The following PRELID2 variants were observed in gnomAD, a reference collection of about 807,000 sequenced individuals.
PRELID2 encodes the protein PRELI domain-containing protein 2.
A neutral mutation model predicts 28.4 loss-of-function variants in PRELID2; 25 were observed. The ratio of observed to expected loss-of-function variants is 0.88; its 90% CI spans 0.64 to 1.23. PRELID2 has a LOEUF of 1.23. PRELID2 is among the 50% of genes most tolerant of loss of function. PRELID2 has a pLI of 0.00. For missense variants in PRELID2, 201 were observed against 214.4 expected, an observed-to-expected ratio of 0.94 and a Z score of 0.39; for synonymous variants, 76 against 71.6, an observed-to-expected ratio of 1.06 and a Z score of -0.31.
chr5:145,805,511 G>C (rs1753435270), intron 4 of PRELID2, among the ~76,000 whole-genome samples: 1 of 152,104 alleles, frequency 6.6e-6, no homozygotes, highest in Non-Finnish European at 1.5e-5. Flanking sequence ...TCATGAGCCA[G>C]CCCAGGGATA....
At chr5:145,321,560 C>T in the PRELID2 span, among the ~76,000 whole-genome samples, 11 of 152,184 alleles carry the variant, frequency 7.2e-5, no homozygotes, top group Non-Finnish European at 1.6e-4. Context: ...CTGGCAGACG[C>T]CCCTTAAAAA....
At chr5:145,597,245 G>A (rs953408) in intron 1 of PRELID2, among the ~76,000 whole-genome samples, 10,867 of 152,154 alleles carry the variant, frequency 0.071, 580 homozygotes, top group Admixed American at 0.18. Flanking sequence ...GCAACTAAAT[G>A]TAGTAACTGT....
the PRELID2 span, among the ~76,000 whole-genome samples, chr5:145,466,776 A>G: frequency 0.23 from 34,711 of 151,966 alleles, 4,266 homozygotes; most frequent in South Asian, 0.35. Context: ...ATGAAGTCCA[A>G]TACTTATTTC....
the PRELID2 span, among the ~76,000 whole-genome samples, chr5:145,411,309 TGAG>T: frequency 6.6e-6 from 1 of 152,068 alleles, no homozygotes; most frequent in East Asian, 1.9e-4. Flanking sequence ...TTCACTATCA[TGAG>T]AACAGCACAG....
At position 145,779,257 on chromosome 5, in the gene PRELID2, C is replaced by G. The variant is rs139692640; in HGVS notation, c.475-14257G>C. ...TAAACAGAAGCCTATCTTTCAGTGACAGAGATAAAAAACATATTCAAAGGA... is the reference window on the plus strand; with the variant it reads ...TAAACAGAAGCCTATCTTTCAGTGAGAGAGATAAAAAACATATTCAAAGGA... On this transcript the variant is annotated intron_variant, in intron 5 of 6. Coordinates refer to ENST00000683046, the MANE Select transcript of PRELID2 (RefSeq NM_205846.3). Among the ~76,000 whole-genome samples, 95 of 152,096 alleles carry G rather than the reference C, an allele frequency of 6.2e-4. No individual in the cohort carries two copies. In the East Asian group the frequency reaches 0.016, roughly 26 times the overall value.
intron 1 of PRELID2, among the ~76,000 whole-genome samples, chr5:145,525,062 T>C (rs746498983): frequency 4.6e-5 from 7 of 152,212 alleles, no homozygotes; most frequent in Non-Finnish European, 1.0e-4. Flanking sequence ...GATTAGTCAC[T>C]GAACATTTAT....
At chr5:145,413,324 T>C in the PRELID2 span, among the ~76,000 whole-genome samples, 1 of 50,066 alleles carries the variant, frequency 2.0e-5, no homozygotes, top group Non-Finnish European at 5.1e-5. Context: ...GATTAAAAGA[T>C]AAAATATAAT....
the PRELID2 span, among the ~76,000 whole-genome samples, chr5:145,230,440 A>G: frequency 2.0e-5 from 3 of 152,056 alleles, no homozygotes; most frequent in African/African-American, 7.2e-5. Flanking sequence ...TTAGCTGGGT[A>G]TGGTGGTGCA....
chr5:145,472,810 G>C (rs1215992475), intron 2 of PRELID2, among the ~76,000 whole-genome samples: 2 of 152,048 alleles, frequency 1.3e-5, no homozygotes, highest in African/African-American at 4.8e-5. Context: ...AACACTCAAG[G>C]ATCTTTAGTT....
the PRELID2 span, among the ~76,000 whole-genome samples, chr5:145,404,731 G>T: frequency 1.3e-5 from 2 of 152,180 alleles, no homozygotes; most frequent in African/African-American, 2.4e-5. Context: ...CTATAATCTG[G>T]CAAGAGTCAC....
chr5:145,796,529 T>C lies in PRELID2; in HGVS notation c.387A>G (p.Arg129=). The change falls in exon 5 of 7, where the codon AGA becomes AGG. Residue 129 remains arginine (R), a synonymous_variant. Coordinates refer to ENST00000683046, the MANE Select transcript of PRELID2 (RefSeq NM_205846.3). Reference sequence around the variant, plus strand: ...CAACCCCTGTGATTGAAATCCTGCCTCTTTGAATGAACTCTGTCCTGCAAA... The same window carrying C: ...CAACCCCTGTGATTGAAATCCTGCCCCTTTGAATGAACTCTGTCCTGCAAA... ...ENPNWTEFIQ[R]GRISITGVGF... The C allele has an allele frequency of 6.2e-7, 1 of 1,606,804 alleles. No individual in the cohort carries two copies. The highest frequency in any genetic ancestry group is 1.1e-5 in the South Asian group (1 of 90,244).
At chr5:145,315,651 G>C in the PRELID2 span, among the ~76,000 whole-genome samples, 1 of 151,684 alleles carries the variant, frequency 6.6e-6, no homozygotes, top group East Asian at 2.0e-4. Context: ...TATCCACCAA[G>C]TGTCATTTTT....
the PRELID2 span, among the ~76,000 whole-genome samples, chr5:145,417,500 T>A: frequency 5.3e-5 from 8 of 152,214 alleles, no homozygotes; most frequent in Admixed American, 2.6e-4. Context: ...AACTTCTCAA[T>A]AAAATACTGG....
chr5:145,504,189 G>GC (rs779615687), intron 1 of PRELID2, among the ~76,000 whole-genome samples: 6 of 152,184 alleles, frequency 3.9e-5, no homozygotes, highest in Non-Finnish European at 8.8e-5. Flanking sequence ...GCACAAGCTA[G>GC]CAGGGCAGTG....
At chr5:145,603,280 T>C (rs1233935275) in intron 1 of PRELID2, among the ~76,000 whole-genome samples, 1 of 144,686 alleles carries the variant, frequency 6.9e-6, no homozygotes. Flanking sequence ...CATAATTAAA[T>C]CAGAGCAGCT....
At chr5:145,418,169 T>C in the PRELID2 span, among the ~76,000 whole-genome samples, 2 of 151,920 alleles carry the variant, frequency 1.3e-5, no homozygotes, top group Non-Finnish European at 2.9e-5. Context: ...TACCTAGGAA[T>C]ACAGATAACA....
chr5:145,268,943 A>C, the PRELID2 span, among the ~76,000 whole-genome samples: 1 of 152,146 alleles, frequency 6.6e-6, no homozygotes, highest in African/African-American at 2.4e-5. Context: ...GATATTATCC[A>C]AAAACATAAA....
chr5:145,649,943 T>C (rs977480271), intron 1 of PRELID2, among the ~76,000 whole-genome samples: 24 of 152,330 alleles, frequency 1.6e-4, no homozygotes, highest in Non-Finnish European at 3.1e-4. Flanking sequence ...TCAAATCTTC[T>C]ACGGAGGAAA....
intron 1 of PRELID2, chr5:145,729,218 T>C: frequency 1.2e-6 from 1 of 816,464 alleles, no homozygotes; most frequent in Non-Finnish European, 2.1e-6. Flanking sequence ...CATGCCAGAA[T>C]GCCCTGAATC....
Sources: gnomAD v4.1 joint callset for allele counts (sites outside exome capture counted in the v4.1 genomes callset) on GRCh38, gnomAD v4.1.1 for gene constraint, MANE v1.5 for transcripts, NCBI Gene and HGNC (gene_info 2026-07-23, HGNC 2026-07-21) for gene names.